SATL1: variants seen among roughly 807,000 people sequenced by gnomAD.
SATL1 encodes spermidine/spermine N1-acetyl transferase like 1.
SATL1 carries 47 observed loss-of-function variants against 51.8 expected under a neutral mutation model. The observed-to-expected ratio is 0.91, with a 90% confidence interval of 0.72 to 1.16. The LOEUF (loss-of-function observed/expected upper bound fraction) is 1.16. SATL1 is among the 50% of genes most tolerant of loss of function. The probability of loss-of-function intolerance (pLI) is 0.00; values close to 1 mark genes in which losing one functional copy is unlikely to be tolerated. For missense variants in SATL1, 520 were observed against 526.4 expected, an observed-to-expected ratio of 0.99 and a Z score of 0.12; for synonymous variants, 176 against 182.4, an observed-to-expected ratio of 0.97 and a Z score of 0.28.
intron 1 of SATL1, among the ~76,000 whole-genome samples, chrX:85,224,950 T>C (rs1406739374): frequency 9.0e-6 from 1 of 110,828 alleles, no homozygotes; most frequent in African/African-American, 3.3e-5. Context: ...ATAAAAAGAA[T>C]GAGCTATACA....
chrX:85,159,353 G>A (rs932913700), intron 2 of SATL1, among the ~76,000 whole-genome samples: 19 of 111,670 alleles, frequency 1.7e-4, no homozygotes, highest in Admixed American at 1.0e-3. Flanking sequence ...CCTAAGTTCC[G>A]CCTCCTCTCA....
chrX:85,207,067 T>A (rs867655670), intron 2 of SATL1: 6 of 111,704 alleles, frequency 5.4e-5, no homozygotes, highest in African/African-American at 2.0e-4. Flanking sequence ...CTGGAGGTTT[T>A]AAGGGAGAGA....
At position 85,126,804 on chromosome X, in the gene SATL1, A is replaced by G. The variant is rs775462398; in HGVS notation, c.-312-17524T>C. Among the ~76,000 whole-genome samples the G allele has an allele frequency of 2.7e-5, 3 of 109,661 alleles. No homozygotes were observed. In the South Asian group the frequency reaches 1.2e-3, roughly 44 times the overall value. On this transcript the variant is annotated intron_variant, in intron 2 of 7. Coordinates refer to ENST00000644105, the MANE Select transcript of SATL1 (RefSeq NM_001367857.2). ...CCAGCCTCCAGGGGTTGGAGTACCA[A>G]ACGATGGCCTTTATTCCTTTCATCA...
intron 2 of SATL1, chrX:85,208,930 T>C (rs1927848844): frequency 8.9e-6 from 1 of 112,345 alleles, no homozygotes; most frequent in Non-Finnish European, 1.9e-5. Context: ...TTTTGGCTTT[T>C]GTTGCCATTG....
chrX:85,136,025 G>A (rs66934417), intron 2 of SATL1, among the ~76,000 whole-genome samples: 11,417 of 109,912 alleles, frequency 0.1, 550 homozygotes, highest in South Asian at 0.2. Context: ...CAATTCAAGA[G>A]TTATTTAGGA....
intron 5 of SATL1, 39 bp from the exon 6 acceptor site, chrX:85,094,268 A>C (rs772093495): frequency 5.2e-6 from 4 of 775,872 alleles, no homozygotes; most frequent in Non-Finnish European, 7.9e-6. Context: ...AGGTTGGTTG[A>C]ATCTTAGCCA....
intron 2 of SATL1, among the ~76,000 whole-genome samples, chrX:85,223,016 T>C (rs1411046664): frequency 1.8e-5 from 2 of 112,413 alleles, no homozygotes; most frequent in Admixed American, 9.4e-5. Flanking sequence ...TATAGTCTTA[T>C]ACACAAAGTT....
At chrX:85,133,447 C>A (rs768241397) in intron 2 of SATL1, among the ~76,000 whole-genome samples, 1 of 112,413 alleles carries the variant, frequency 8.9e-6, no homozygotes, top group South Asian at 3.7e-4. Context: ...GGGTGTGGGA[C>A]CCGCTGAGCC....
chrX:85,135,834 C>T (rs926397231), intron 2 of SATL1, among the ~76,000 whole-genome samples: 1 of 109,934 alleles, frequency 9.1e-6, no homozygotes, highest in Non-Finnish European at 1.9e-5. Context: ...TCTGCCTTGG[C>T]CTAGCAAAAT....
intron 2 of SATL1, among the ~76,000 whole-genome samples, chrX:85,120,652 T>A (rs955467140): frequency 8.9e-6 from 1 of 112,097 alleles, no homozygotes; most frequent in African/African-American, 3.2e-5. Flanking sequence ...TTATGTAATA[T>A]CTTGAAACAT....
chrX:85,115,134 G>T (rs755269729), intron 2 of SATL1, among the ~76,000 whole-genome samples: 1 of 111,983 alleles, frequency 8.9e-6, no homozygotes, highest in Non-Finnish European at 1.9e-5. Context: ...TGAAAAAACA[G>T]CAGCCCTTGG....
At chrX:85,160,871 C>T (rs1275349318) in intron 2 of SATL1, among the ~76,000 whole-genome samples, 2 of 111,011 alleles carry the variant, frequency 1.8e-5, no homozygotes. Context: ...AGACACACAT[C>T]ATCAGTTTCT....
In SATL1 at chrX:85,094,168, T is replaced by C. The variant is rs1924616378; in HGVS notation, c.1836A>G (p.Val612=). The change falls in exon 6 of 8, where the codon GTA becomes GTG. Residue 612 remains valine, a synonymous_variant. Transcript: ENST00000644105. ...YFTYDSWTGK[V]LYLEDFYVTQ... ...TGACATAAAAGTCCTCTAGGTAAAG[T>C]ACCTTGCCAGTCCATGAGTCGTATG... 1 of 1,199,024 alleles carries C rather than the reference T, an allele frequency of 8.3e-7. No homozygotes were observed. Among genetic ancestry groups the C allele is most frequent in the South Asian group, 1.8e-5 (1 of 56,438 alleles).
At chrX:85,178,190 C>A (rs1025043987) in intron 2 of SATL1, among the ~76,000 whole-genome samples, 1 of 111,310 alleles carries the variant, frequency 9.0e-6, no homozygotes, top group Non-Finnish European at 1.9e-5. Context: ...ATTTAGCTCA[C>A]AGAAGATTAT....
At chrX:85,169,659 T>C (rs1926930868) in intron 2 of SATL1, among the ~76,000 whole-genome samples, 1 of 111,779 alleles carries the variant, frequency 8.9e-6, no homozygotes, top group Non-Finnish European at 1.9e-5. Flanking sequence ...AAGGAATGCT[T>C]ATACACTGTT....
chrX:85,121,512 A>ATATATACTATATATACTATATAT (rs1925509108), intron 2 of SATL1, among the ~76,000 whole-genome samples: 1 of 104,711 alleles, frequency 9.6e-6, no homozygotes, highest in African/African-American at 3.4e-5. Context: ...TATATATACT[A>ATATATACTATATATACTATATAT]ACAAGAAATA....
chrX:85,230,551 C>T (rs1429212764), intron 1 of SATL1, among the ~76,000 whole-genome samples: 1 of 111,867 alleles, frequency 8.9e-6, no homozygotes, highest in African/African-American at 3.2e-5. Flanking sequence ...ACAACAAAAA[C>T]CAAGATAGAC....
intron 2 of SATL1, among the ~76,000 whole-genome samples, chrX:85,113,975 G>A (rs1303836261): frequency 1.8e-5 from 2 of 111,786 alleles, no homozygotes; most frequent in Non-Finnish European, 3.8e-5. Flanking sequence ...TACAGGGTAT[G>A]AGGCCGGTTT....
intron 2 of SATL1, among the ~76,000 whole-genome samples, chrX:85,149,265 C>T (rs1926349685): frequency 1.8e-5 from 2 of 111,652 alleles, no homozygotes; most frequent in African/African-American, 6.5e-5. Flanking sequence ...GAAGAACTAA[C>T]TATCCTAAAT....
Sources: allele counts gnomAD v4.1 joint callset (sites outside exome capture counted in the v4.1 genomes callset), GRCh38; gene constraint gnomAD v4.1.1; transcripts MANE v1.5; gene names NCBI Gene and HGNC (gene_info 2026-07-23, HGNC 2026-07-21).